The following NXPH1 variants were observed in gnomAD, a reference collection of about 807,000 sequenced individuals.
The protein encoded by NXPH1 is neurexophilin-1.
In NXPH1, 5 loss-of-function variants were observed where a neutral mutation model predicts 23.7. That is an observed-to-expected ratio of 0.21 (90% CI 0.11 to 0.44). The LOEUF is 0.44. Among genes scored for constraint, NXPH1 ranks in the 20% least tolerant of loss-of-function variants. The pLI, the probability that NXPH1 is intolerant of heterozygous loss-of-function variation, is 0.99. For missense variants in NXPH1, 324 were observed against 321.6 expected (o/e 1.01, Z -0.06); for synonymous variants, 144 against 122.2 (o/e 1.18, Z -1.18).
intron 2 of NXPH1, among the ~76,000 whole-genome samples, chr7:8,695,892 T>C (rs186279200): frequency 1.3e-5 from 2 of 152,246 alleles, no homozygotes; most frequent in Admixed American, 1.3e-4. Context: ...GTTCATGGAG[T>C]CATTGTATTG....
chr7:8,751,194 C>G lies in NXPH1; in HGVS notation c.241C>G (p.Pro81Ala). ...DLDLRYDTPE[P>A]YSEQDLWDWL... ...GGACCTGAGATATGACACCCCAGAA[C>G]CTTATTCTGAGCAAGACCTCTGGGA... Residue 81 changes from proline (P) to alanine (A), a missense_variant, in exon 3 of 3, where the codon CCT becomes GCT. Physicochemically the swap from Pro to Ala is conservative, Grantham distance 27. Transcript: ENST00000405863. The surrounding 1 kb of genome is among the most constrained non-coding windows in gnomAD (Gnocchi z 4.5). The G allele has an allele frequency of 1.2e-6, 2 of 1,613,796 alleles. No individual in the cohort carries two copies. The highest frequency in any genetic ancestry group is 1.3e-5 in the African/African-American group (1 of 75,040).
At chr7:8,438,852 T>A (rs1816244211) in intron 2 of NXPH1, among the ~76,000 whole-genome samples, 1 of 152,148 alleles carries the variant, frequency 6.6e-6, no homozygotes, top group Admixed American at 6.5e-5. Flanking sequence ...GAGAGACAAG[T>A]CTGTCCTAGT....
rs112196818 is a variant in NXPH1 at position 8,633,807 on chromosome 7, T to C, written c.55-117201T>C. Among the ~76,000 whole-genome samples, 1,113 of 152,328 alleles carry C rather than the reference T, an allele frequency of 7.3e-3. 18 individuals are homozygous for C. Among genetic ancestry groups the C allele is most frequent in the African/African-American group, 0.025 (1,056 of 41,592 alleles). ...TTGAGTTGAACCCTCTTTTTGTGGA[T>C]GACAAAACTGAGGTCTGCGGAAGGA... On this transcript the variant is annotated intron_variant, in intron 2 of 2. Coordinates refer to ENST00000405863, the MANE Select transcript of NXPH1 (RefSeq NM_152745.3).
intron 2 of NXPH1, among the ~76,000 whole-genome samples, chr7:8,598,888 T>C (rs1252142651): frequency 6.6e-6 from 1 of 152,158 alleles, no homozygotes; most frequent in African/African-American, 2.4e-5. Flanking sequence ...TGCTGTAGGC[T>C]CTGGGATTTG....
chr7:8,670,609 A>G (rs527478547), intron 2 of NXPH1, among the ~76,000 whole-genome samples: 1 of 152,338 alleles, frequency 6.6e-6, no homozygotes, highest in Non-Finnish European at 1.5e-5. Flanking sequence ...CTGTTTTAAC[A>G]GAAGTTATAA....
At chr7:8,628,998 G>A (rs890344787) in intron 2 of NXPH1, among the ~76,000 whole-genome samples, 2 of 150,832 alleles carry the variant, frequency 1.3e-5, no homozygotes, top group Non-Finnish European at 2.9e-5. Context: ...GATAAATCTA[G>A]TAAATTCTTC....
At chr7:8,711,234 G>T (rs570169565) in intron 2 of NXPH1, among the ~76,000 whole-genome samples, 2 of 152,090 alleles carry the variant, frequency 1.3e-5, no homozygotes, top group East Asian at 3.9e-4. Context: ...TGACCCCATT[G>T]GCCTTCTAGA....
At chr7:8,613,619 C>A (rs571100025) in intron 2 of NXPH1, among the ~76,000 whole-genome samples, 1 of 151,930 alleles carries the variant, frequency 6.6e-6, no homozygotes, top group East Asian at 1.9e-4. Flanking sequence ...GACCAGCAAC[C>A]ATTATCTATC....
chr7:8,571,017 C>G (rs1257262424), intron 2 of NXPH1, among the ~76,000 whole-genome samples: 1 of 120,258 alleles, frequency 8.3e-6, no homozygotes, highest in African/African-American at 3.2e-5. Flanking sequence ...ATCTGTCTGT[C>G]TATCTAATCT....
chr7:8,588,439 G>C (rs938798029), intron 2 of NXPH1, among the ~76,000 whole-genome samples: 1 of 149,548 alleles, frequency 6.7e-6, no homozygotes, highest in Non-Finnish European at 1.5e-5. Context: ...GACAGGGAAA[G>C]TTGTGTCCCA....
At chr7:8,595,476 A>T (rs1051020000) in intron 2 of NXPH1, among the ~76,000 whole-genome samples, 1 of 151,742 alleles carries the variant, frequency 6.6e-6, no homozygotes, top group African/African-American at 2.4e-5. Flanking sequence ...TATTGTAAAC[A>T]TATATATATA....
intron 2 of NXPH1, among the ~76,000 whole-genome samples, chr7:8,750,302 G>A (rs894936589): frequency 6.6e-6 from 1 of 152,212 alleles, no homozygotes; most frequent in Non-Finnish European, 1.5e-5. Context: ...ACATATGTCT[G>A]AGAATCACAG....
At chr7:8,473,342 A>G (rs762473004) in intron 2 of NXPH1, among the ~76,000 whole-genome samples, 4 of 152,128 alleles carry the variant, frequency 2.6e-5, no homozygotes, top group Non-Finnish European at 4.4e-5. Context: ...TCCATCATAA[A>G]TGTACAAGAA....
At chr7:8,591,688 T>C (rs1053992956) in intron 2 of NXPH1, among the ~76,000 whole-genome samples, 1 of 152,038 alleles carries the variant, frequency 6.6e-6, no homozygotes, top group East Asian at 1.9e-4. Context: ...CTTTAACATA[T>C]AGAAGTTTTA....
Position 8,752,106 on chromosome 7 carries a change from G to T in NXPH1, c.*337G>T. The T allele has an allele frequency of 4.5e-6, 1 of 219,930 alleles. No homozygotes were observed. Among genetic ancestry groups the T allele is most frequent in the Non-Finnish European group, 9.2e-6 (1 of 108,852 alleles). The allele number at this position is 219,930 out of a possible 1,614,324, so 13.6% of individuals were successfully genotyped here. On this transcript the variant is annotated 3_prime_UTR_variant, in exon 3 of 3. Transcript: ENST00000405863. Reference sequence around the variant, plus strand: ...GGCTTTCATTGTCTGACTCATAATGGTTCAGGATCAACTATCATCAAACGG... The same window carrying T: ...GGCTTTCATTGTCTGACTCATAATGTTTCAGGATCAACTATCATCAAACGG...
intron 2 of NXPH1, among the ~76,000 whole-genome samples, chr7:8,656,280 A>G (rs1476750733): frequency 3.3e-5 from 5 of 152,224 alleles, no homozygotes; most frequent in Admixed American, 2.6e-4. Flanking sequence ...AAACACAAGT[A>G]GGTTCTCTGT....
At chr7:8,733,019 C>T (rs142616081) in intron 2 of NXPH1, among the ~76,000 whole-genome samples, 7,914 of 152,000 alleles carry the variant, frequency 0.052, 284 homozygotes, top group Middle Eastern at 0.075. Context: ...TAATGCTATC[C>T]CTCCCCTAGC....
At chr7:8,513,383 A>G (rs556925116) in intron 2 of NXPH1, among the ~76,000 whole-genome samples, 2 of 152,272 alleles carry the variant, frequency 1.3e-5, no homozygotes, top group Admixed American at 1.3e-4. Flanking sequence ...TGTGGCAACA[A>G]AATTGACCTT....
chr7:8,619,011 G>T (rs1160752774), intron 2 of NXPH1, among the ~76,000 whole-genome samples: 1 of 152,110 alleles, frequency 6.6e-6, no homozygotes, highest in Non-Finnish European at 1.5e-5. Flanking sequence ...TTTTAAGCAG[G>T]AAAAGTTTAG....
Sources: gnomAD v4.1 joint callset for allele counts (sites outside exome capture counted in the v4.1 genomes callset) on GRCh38, gnomAD v4.1.1 for gene constraint, Gnocchi (gnomAD v3.1) non-coding constraint, MANE v1.5 for transcripts, NCBI Gene and HGNC (gene_info 2026-07-23, HGNC 2026-07-21) for gene names.